LRMDA: variants seen among roughly 807,000 people sequenced by gnomAD.
The protein encoded by LRMDA is leucine-rich melanocyte differentiation-associated protein.
A neutral mutation model predicts 29.8 loss-of-function variants in LRMDA; 18 were observed. That is an observed-to-expected ratio of 0.60 (90% CI 0.42 to 0.90). The LOEUF is 0.90. Ranked by LOEUF, LRMDA falls within the 40% of genes least tolerant of loss-of-function variation. The probability of loss-of-function intolerance (pLI) is 0.00; values close to 1 mark genes in which losing one functional copy is unlikely to be tolerated. For missense variants in LRMDA, 273 were observed against 273.9 expected, an observed-to-expected ratio of 1.00 and a Z score of 0.02; for synonymous variants, 125 against 109.4, an observed-to-expected ratio of 1.14 and a Z score of -0.89.
chr10:76,442,756 T>C (rs1842316587), intron 6 of LRMDA, among the ~76,000 whole-genome samples: 1 of 152,188 alleles, frequency 6.6e-6, no homozygotes, highest in Non-Finnish European at 1.5e-5. Flanking sequence ...TAAAAATCAG[T>C]TGATTTCTCT....
At chr10:76,443,218 C>T (rs773551878) in intron 6 of LRMDA, among the ~76,000 whole-genome samples, 1 of 152,170 alleles carries the variant, frequency 6.6e-6, no homozygotes, top group Non-Finnish European at 1.5e-5. Context: ...AAATGCAAAA[C>T]CCAACATGAA....
At chr10:76,451,448 G>A (rs572996327) in intron 6 of LRMDA, among the ~76,000 whole-genome samples, 4 of 152,020 alleles carry the variant, frequency 2.6e-5, no homozygotes, top group South Asian at 2.1e-4. Flanking sequence ...CTCGTGATCC[G>A]CCCGCCTCGG....
intron 6 of LRMDA, among the ~76,000 whole-genome samples, chr10:76,457,075 C>T (rs1237015899): frequency 6.6e-6 from 1 of 152,204 alleles, no homozygotes; most frequent in Non-Finnish European, 1.5e-5. Flanking sequence ...TCTCCAAGAA[C>T]TGTCATGACC....
At chr10:76,526,198 C>G (rs1843172856) in intron 6 of LRMDA, among the ~76,000 whole-genome samples, 1 of 152,178 alleles carries the variant, frequency 6.6e-6, no homozygotes, top group East Asian at 1.9e-4. Context: ...CAACAGAAAT[C>G]TAACAAATAG....
intron 5 of LRMDA, among the ~76,000 whole-genome samples, chr10:76,130,434 A>T (rs1330712078): frequency 1.3e-5 from 2 of 152,168 alleles, no homozygotes; most frequent in East Asian, 3.9e-4. Context: ...ACAGGTTCTG[A>T]TAACTTGTAA....
chr10:76,316,013 T>A (rs1840693017), intron 5 of LRMDA, among the ~76,000 whole-genome samples: 1 of 152,152 alleles, frequency 6.6e-6, no homozygotes, highest in African/African-American at 2.4e-5. Flanking sequence ...ACCTTCCAGT[T>A]GTCCACGTAC....
chr10:75,688,812 T>C (rs1183985526), intron 2 of LRMDA, among the ~76,000 whole-genome samples: 1 of 152,194 alleles, frequency 6.6e-6, no homozygotes, highest in East Asian at 1.9e-4. Context: ...AACATCCTGA[T>C]CAGTCAGCAG....
At chr10:75,483,696 T>A (rs1333053728) in intron 2 of LRMDA, among the ~76,000 whole-genome samples, 1 of 152,228 alleles carries the variant, frequency 6.6e-6, no homozygotes, top group South Asian at 2.1e-4. Context: ...TTTAAATTAC[T>A]AATTTTATAA....
chr10:76,470,839 G>C (rs1356786715), intron 6 of LRMDA, among the ~76,000 whole-genome samples: 3 of 151,638 alleles, frequency 2.0e-5, no homozygotes, highest in Non-Finnish European at 4.4e-5. Flanking sequence ...AAATATTCTG[G>C]AAATGTATAC....
chr10:75,929,868 A>C (rs2132399120), intron 2 of LRMDA, among the ~76,000 whole-genome samples: 1 of 152,320 alleles, frequency 6.6e-6, no homozygotes, highest in East Asian at 1.9e-4. Flanking sequence ...TCCTTCCAAA[A>C]CTTCTTTTGT....
intron 2 of LRMDA, among the ~76,000 whole-genome samples, chr10:75,486,706 A>C (rs184482485): frequency 8.1e-4 from 123 of 152,270 alleles, no homozygotes; most frequent in Middle Eastern, 3.4e-3. Flanking sequence ...GGGAGAAGGC[A>C]CACACCCTCC....
At chr10:75,802,591 A>G (rs1372660612) in intron 2 of LRMDA, among the ~76,000 whole-genome samples, 5 of 152,126 alleles carry the variant, frequency 3.3e-5, no homozygotes, top group Non-Finnish European at 7.4e-5. Flanking sequence ...GAGTTGCTTT[A>G]TCATATCAAA....
chr10:75,991,928 C>G (rs1416722329), intron 2 of LRMDA, among the ~76,000 whole-genome samples: 5 of 152,200 alleles, frequency 3.3e-5, no homozygotes, highest in African/African-American at 1.2e-4. Context: ...TAGTGTTTGA[C>G]ATCTCCTTGA....
At chr10:75,796,214 A>T (rs1843650099) in intron 2 of LRMDA, among the ~76,000 whole-genome samples, 1 of 152,198 alleles carries the variant, frequency 6.6e-6, no homozygotes, top group East Asian at 1.9e-4. Flanking sequence ...CAGAGGTTCC[A>T]GTACAATGAT....
chr10:75,478,072 C>T (rs1844816461), intron 2 of LRMDA, among the ~76,000 whole-genome samples: 1 of 152,214 alleles, frequency 6.6e-6, no homozygotes, highest in Admixed American at 6.5e-5. Flanking sequence ...AGCCGTGCCT[C>T]ATTTAGACCA....
intron 2 of LRMDA, among the ~76,000 whole-genome samples, chr10:76,019,152 C>T (rs1847929220): frequency 6.6e-6 from 1 of 152,204 alleles, no homozygotes; most frequent in Non-Finnish European, 1.5e-5. Flanking sequence ...GTGCAGCTCA[C>T]TGTGGTGTTT....
intron 2 of LRMDA, among the ~76,000 whole-genome samples, chr10:75,593,317 G>C (rs1219257403): frequency 1.3e-5 from 2 of 152,186 alleles, no homozygotes; most frequent in East Asian, 3.8e-4. Flanking sequence ...GTTTTAATAA[G>C]CAGTTTGCAG....
intron 2 of LRMDA, among the ~76,000 whole-genome samples, chr10:75,937,531 A>T (rs909735814): frequency 1.3e-5 from 2 of 152,186 alleles, no homozygotes; most frequent in Admixed American, 6.5e-5. Context: ...TTTGAAAGCA[A>T]CACTGCCCCC....
chr10:75,657,401 C>T (rs559828575), intron 2 of LRMDA, among the ~76,000 whole-genome samples: 10 of 152,140 alleles, frequency 6.6e-5, no homozygotes, highest in South Asian at 6.2e-4. Context: ...GCGTGGTAGG[C>T]GCTTGGGTAA....
Sources: allele counts gnomAD v4.1 joint callset (sites outside exome capture counted in the v4.1 genomes callset), GRCh38; gene constraint gnomAD v4.1.1; transcripts MANE v1.5; gene names NCBI Gene and HGNC (gene_info 2026-07-23, HGNC 2026-07-21).